Variants in CSTF3 observed in about 807,000 individuals in gnomAD.
CSTF3 encodes the protein cleavage stimulation factor subunit 3.
CSTF3 carries 29 observed loss-of-function variants against 105.8 expected under a neutral mutation model. The observed-to-expected ratio is 0.27, with a 90% CI of 0.20 to 0.37. The LOEUF (loss-of-function observed/expected upper bound fraction) is 0.37, where lower values mean the gene tolerates loss of function less well. Among genes scored for constraint, CSTF3 ranks in the 10% least tolerant of loss-of-function variants. The probability of loss-of-function intolerance (pLI) is 1.00; values close to 1 mark genes in which losing one functional copy is unlikely to be tolerated. For synonymous variants in CSTF3, 252 were observed against 281.9 expected, an observed-to-expected ratio of 0.89 and a Z score of 1.06; for missense variants, 357 against 879.3, an observed-to-expected ratio of 0.41 and a Z score of 7.51.
chr11:33,160,671 A>C (rs909485965), intron 1 of CSTF3, among the ~76,000 whole-genome samples: 16 of 152,236 alleles, frequency 1.1e-4, no homozygotes, highest in Admixed American at 6.5e-4. Context: ...ATTAAAACAG[A>C]TGCTTTTATT....
intron 3 of CSTF3, among the ~76,000 whole-genome samples, chr11:33,126,349 G>C (rs1855542615): frequency 6.6e-6 from 1 of 151,998 alleles, no homozygotes; most frequent in African/African-American, 2.4e-5. Context: ...AGGCTGAAGT[G>C]GGAGGAACAC....
chr11:33,125,625 T>C (rs1855535356), intron 3 of CSTF3, among the ~76,000 whole-genome samples: 1 of 152,154 alleles, frequency 6.6e-6, no homozygotes, highest in Non-Finnish European at 1.5e-5. Context: ...GGTAGGAAGG[T>C]GGCATGGATT....
At chr11:33,154,491 CTT>C (rs34462847) in intron 1 of CSTF3, among the ~76,000 whole-genome samples, 725 of 60,730 alleles carry the variant, frequency 0.012, 2 homozygotes, top group African/African-American at 0.025. Context: ...GTAAGACTTT[CTT>C]TTTTTTTTTT....
chr11:33,098,686 T>C lies in CSTF3; in HGVS notation c.1128+4A>G, dbSNP rs1855249377. ...TGGAAAAAAAGATTTGTAAAGTTAC[T>C]CACCAAGGTAGGGTCAATATCCTCA... is the stretch of plus-strand genomic sequence containing the variant. On this transcript the variant is annotated splice_donor_region_variant and intron_variant, in intron 13 of 20. Coordinates refer to ENST00000323959, the MANE Select transcript of CSTF3 (RefSeq NM_001326.3). The C allele has an allele frequency of 3.8e-6, 6 of 1,564,206 alleles. No homozygotes were observed. The highest frequency in any genetic ancestry group is 5.2e-6 in the Non-Finnish European group (6 of 1,147,816).
chr11:33,090,576 A>T lies in CSTF3; in HGVS notation c.1597T>A (p.Leu533Ile), dbSNP rs755947614. 51 of 1,607,232 alleles carry T rather than the reference A, an allele frequency of 3.2e-5. No individual in the cohort carries two copies. Among genetic ancestry groups the T allele is most frequent in the Non-Finnish European group, 3.4e-6 (4 of 1,178,108 alleles). ...LLVDRYKFMD[L>I]YPCSASELKA... is the part of the protein sequence containing the mutation. The stretch of plus-strand genomic sequence containing the variant: ...AATTCACTTGCAGAGCAAGGATATA[A>T]ATCCATGAACTTGTATCTATCTACT... The change falls in exon 17 of 21, where the codon TTA becomes ATA. Residue 533 changes from leucine to isoleucine, a missense_variant. Around this residue, in one of 4 missense-constraint regions of CSTF3, gnomAD observed 206 missense variants for 576.5 expected, o/e 0.36. Coordinates refer to ENST00000323959, the MANE Select transcript of CSTF3 (RefSeq NM_001326.3).
At chr11:33,086,948 A>G in intron 18 of CSTF3, 40 bp downstream of exon 18, 1 of 1,613,290 alleles carries the variant, frequency 6.2e-7, no homozygotes, top group South Asian at 1.1e-5. Context: ...ATCAACAAAC[A>G]AACCAACGTC....
intron 8 of CSTF3, among the ~76,000 whole-genome samples, chr11:33,105,326 G>A (rs1855316655): frequency 6.6e-6 from 1 of 152,214 alleles, no homozygotes; most frequent in Non-Finnish European, 1.5e-5. Flanking sequence ...GTATGAATGT[G>A]TGGATATGGC....
chr11:33,105,487 G>T lies in CSTF3; in HGVS notation c.585+80C>A. ...AAAAAGTGTAACACTGATACAGAAA[G>T]GCTATAATCTACAAATCCACAATGC... is the stretch of plus-strand genomic sequence containing the variant. On this transcript the variant is annotated intron_variant, in intron 8 of 20. Coordinates refer to ENST00000323959, the MANE Select transcript of CSTF3 (RefSeq NM_001326.3). The T allele has an allele frequency of 6.1e-6, 8 of 1,309,476 alleles. 1 individual carries two copies. Among genetic ancestry groups the T allele is most frequent in the Non-Finnish European group, 8.4e-6 (8 of 954,444 alleles). The allele number at this position is 1,309,476 out of a possible 1,614,324, so 81.1% of individuals were successfully genotyped here.
chr11:33,133,539 A>C (rs1427586228), intron 3 of CSTF3, among the ~76,000 whole-genome samples: 1 of 152,196 alleles, frequency 6.6e-6, no homozygotes, highest in Non-Finnish European at 1.5e-5. Flanking sequence ...TATAACCTAA[A>C]TCTAATGATG....
At chr11:33,137,078 G>T (rs1366802922) in intron 3 of CSTF3, among the ~76,000 whole-genome samples, 1 of 151,678 alleles carries the variant, frequency 6.6e-6, no homozygotes, top group East Asian at 1.9e-4. Context: ...TTACACCAAA[G>T]AATAGAATAT....
At chr11:33,122,292 GAA>G (rs1343187132) in intron 3 of CSTF3, among the ~76,000 whole-genome samples, 1 of 152,124 alleles carries the variant, frequency 6.6e-6, no homozygotes, top group Non-Finnish European at 1.5e-5. Context: ...TCTGATTGTT[GAA>G]AGATGCCTTC....
intron 3 of CSTF3, among the ~76,000 whole-genome samples, chr11:33,131,461 T>C (rs1855597926): frequency 1.3e-5 from 2 of 152,218 alleles, no homozygotes; most frequent in African/African-American, 4.8e-5. Context: ...ACAATTATAC[T>C]GTATTTTAGA....
intron 1 of CSTF3, among the ~76,000 whole-genome samples, chr11:33,159,380 G>C (rs558182353): frequency 6.6e-6 from 1 of 152,160 alleles, no homozygotes; most frequent in Admixed American, 6.5e-5. Context: ...CGGATCACTT[G>C]AGGTCAGGAG....
At chr11:33,148,301 C>G (rs1377799441) in intron 1 of CSTF3, among the ~76,000 whole-genome samples, 1 of 152,192 alleles carries the variant, frequency 6.6e-6, no homozygotes, top group Admixed American at 6.5e-5. Context: ...GATGTCCAAG[C>G]CTCGCCCTCA....
intron 15 of CSTF3, among the ~76,000 whole-genome samples, chr11:33,095,923 T>G (rs1855218760): frequency 6.6e-6 from 1 of 152,196 alleles, no homozygotes; most frequent in Admixed American, 6.5e-5. Context: ...ACTTTACTAT[T>G]TGGGCATCTT....
At chr11:33,151,677 T>C (rs1295171696) in intron 1 of CSTF3, among the ~76,000 whole-genome samples, 1 of 152,222 alleles carries the variant, frequency 6.6e-6, no homozygotes, top group Non-Finnish European at 1.5e-5. Context: ...AAGATTTCTT[T>C]GTGGAGTTCA....
rs139992455 is a variant in CSTF3, at chr11:33,141,972, G to A, written c.42C>T (p.Val14=). ...DGATEQAAEY[V]PEKVKKAEKK... Reference sequence around the variant, plus strand: ...TTTCCGCTTTCTTCACCTTCTCTGGGACATACTCAGCTGCCTGGGGAAAAA... The same window carrying A: ...TTTCCGCTTTCTTCACCTTCTCTGGAACATACTCAGCTGCCTGGGGAAAAA... The change falls in exon 2 of 21, where the codon GTC becomes GTT. Residue 14 remains valine, a synonymous_variant. Coordinates refer to ENST00000323959, the MANE Select transcript of CSTF3 (RefSeq NM_001326.3). 5.4e-4 allele frequency: 877 copies of A among 1,613,446 alleles called. 5 individuals are homozygous for A. In the South Asian group the frequency reaches 5.9e-3, roughly 11 times the overall value.
At chr11:33,085,825 A>G in intron 19 of CSTF3, 52 bp from the exon 20 acceptor site, 1 of 1,579,460 alleles carries the variant, frequency 6.3e-7, no homozygotes, top group Non-Finnish European at 8.7e-7. Context: ...AAGTTAAAGT[A>G]GTAGTAACTT....
rs1564999779 is a variant in CSTF3, at chr11:33,085,019, C to T, written c.*68G>A. 1 of 1,536,822 alleles carries T rather than the reference C, an allele frequency of 6.5e-7. No individual in the cohort carries two copies. The highest frequency in any genetic ancestry group is 9.0e-7 in the Non-Finnish European group (1 of 1,111,270). On this transcript the variant is annotated 3_prime_UTR_variant, in exon 21 of 21. Coordinates refer to ENST00000323959, the MANE Select transcript of CSTF3 (RefSeq NM_001326.3). ...AGAACCTTGTAACAAAGCGTTGTCT[C>T]TTTTAAACATACCACTTGAGGCAAA...
Sources: allele counts gnomAD v4.1 joint callset (sites outside exome capture counted in the v4.1 genomes callset), GRCh38; gene constraint gnomAD v4.1.1; regional missense constraint gnomAD v4.1.1; transcripts MANE v1.5; gene names NCBI Gene and HGNC (gene_info 2026-07-23, HGNC 2026-07-21).